PRXL2A: variants seen among roughly 807,000 people sequenced by gnomAD.
PRXL2A encodes the protein peroxiredoxin-like 2A.
A neutral mutation model predicts 25.6 loss-of-function variants in PRXL2A; 26 were observed. The observed-to-expected ratio is 1.02, with a 90% confidence interval of 0.74 to 1.41. The LOEUF (loss-of-function observed/expected upper bound fraction) is 1.41. PRXL2A is among the 40% of genes most tolerant of loss of function. The pLI is 0.00. For missense variants in PRXL2A, 246 were observed against 273.9 expected (o/e 0.90, Z 0.72); for synonymous variants, 98 against 102.9 (o/e 0.95, Z 0.29).
intron 1 of PRXL2A, among the ~76,000 whole-genome samples, chr10:80,412,744 G>C (rs148311204): frequency 8.5e-5 from 13 of 152,226 alleles, no homozygotes; most frequent in African/African-American, 3.1e-4. Flanking sequence ...GGTCAGAGGG[G>C]GGCATCCCGG....
intron 3 of PRXL2A, among the ~76,000 whole-genome samples, chr10:80,424,705 C>CA (rs1181379553): frequency 1.3e-5 from 2 of 151,956 alleles, no homozygotes; most frequent in African/African-American, 2.4e-5. Flanking sequence ...GCTAAAAATA[C>CA]AAAAAATTAG....
chr10:80,418,319 TC>T (rs1298462536), intron 1 of PRXL2A, among the ~76,000 whole-genome samples: 1 of 152,194 alleles, frequency 6.6e-6, no homozygotes, highest in African/African-American at 2.4e-5. Flanking sequence ...GGTCTCCAGC[TC>T]CATGTTGCTG....
At chr10:80,413,831 A>G in intron 1 of PRXL2A, 1 of 1,189,874 alleles carries the variant, frequency 8.4e-7, no homozygotes, top group Non-Finnish European at 1.1e-6. Context: ...TCACCCCTGG[A>G]TATACTTCTT....
intron 1 of PRXL2A, among the ~76,000 whole-genome samples, 153 bp downstream of exon 1, chr10:80,408,796 G>A (rs1331709485): frequency 1.3e-5 from 2 of 152,162 alleles, no homozygotes; most frequent in African/African-American, 4.8e-5. Context: ...AACTTTCTTA[G>A]GAGCCGCCGC....
rs147660368 is a variant in PRXL2A at position 80,433,400 on chromosome 10, A to C, written c.*1301A>C. ...CACAGGGAGTCTACTCAAGGCATCA[A>C]ACTGGCCCAGGAGTAGAAAGGTGGG... is the stretch of plus-strand genomic sequence containing the variant. On this transcript the variant is annotated 3_prime_UTR_variant, in exon 6 of 6. Coordinates refer to ENST00000606162, the MANE Select transcript of PRXL2A (RefSeq NM_032333.5). 2.6e-5 allele frequency: 4 copies of C among 152,298 alleles called. No individual in the cohort carries two copies. Among genetic ancestry groups the C allele is most frequent in the African/African-American group, 7.2e-5 (3 of 41,456 alleles). The allele number at this position is 152,298 out of a possible 1,614,324, so 9.4% of individuals were successfully genotyped here.
intron 1 of PRXL2A, among the ~76,000 whole-genome samples, chr10:80,415,312 T>G (rs1224766160): frequency 1.3e-5 from 2 of 152,242 alleles, no homozygotes; most frequent in East Asian, 3.8e-4. Context: ...ACAGCACTTA[T>G]GGGGGTTTTG....
Position 80,427,375 on chromosome 10 carries a change from G to C in PRXL2A, c.455G>C (p.Gly152Ala), listed in dbSNP as rs1468957450. 1 of 1,614,120 alleles carries C rather than the reference G, an allele frequency of 6.2e-7. No individual in the cohort carries two copies. The highest frequency in any genetic ancestry group is 1.1e-5 in the South Asian group (1 of 91,078). ...CAAAGGCGGAAGATGATGTTTATGG[G>C]ATTTATCCGTCTGGGAGTGTGGTAC... Reference protein sequence around the residue: ...GPQRRKMMFMGFIRLGVWYNF... With the variant: ...GPQRRKMMFMAFIRLGVWYNF... Residue 152 changes from glycine (G) to alanine (A), a missense_variant, in exon 5 of 6, where the codon GGA becomes GCA. By Grantham distance (60) the Gly-to-Ala change is moderately conservative. Coordinates refer to ENST00000606162, the MANE Select transcript of PRXL2A (RefSeq NM_032333.5).
At chr10:80,428,728 C>T (rs1018682170) in intron 5 of PRXL2A, among the ~76,000 whole-genome samples, 3 of 143,368 alleles carry the variant, frequency 2.1e-5, no homozygotes, top group Admixed American at 1.3e-4. Flanking sequence ...GGTGGCCTGA[C>T]TTCTAGGCCT....
chr10:80,414,510 T>C (rs1216160882), intron 1 of PRXL2A, among the ~76,000 whole-genome samples: 2 of 152,224 alleles, frequency 1.3e-5, no homozygotes, highest in East Asian at 3.8e-4. Flanking sequence ...AAACACATTC[T>C]CTTTAAGACA....
In PRXL2A at chr10:80,432,157, T is replaced by A. The variant is rs1374822775; in HGVS notation, c.*58T>A. The stretch of plus-strand genomic sequence containing the variant: ...GGGACATTCACCTGTGTTCATGGGA[T>A]GTATTGTTTCCACTCGTGTCCCTAA... On this transcript the variant is annotated 3_prime_UTR_variant, in exon 6 of 6. Coordinates refer to ENST00000606162, the MANE Select transcript of PRXL2A (RefSeq NM_032333.5). The A allele has an allele frequency of 1.9e-6, 2 of 1,043,002 alleles. No homozygotes were observed. The highest frequency in any genetic ancestry group is 2.9e-6 in the Non-Finnish European group (2 of 682,030). 64.6% of individuals were successfully genotyped at this position (1,043,002 alleles called of 1,614,324 possible).
In PRXL2A at chr10:80,435,449, G is replaced by C. The variant is rs1190202564; in HGVS notation, c.*3350G>C. ...ATGATTTGCAGCTCTCAAGATTCCA[G>C]TGGGCAGTCTGGGTGGGCCTGAGTT... On this transcript the variant is annotated 3_prime_UTR_variant, in exon 6 of 6. Coordinates refer to ENST00000606162, the MANE Select transcript of PRXL2A (RefSeq NM_032333.5). 6.6e-6 allele frequency: 1 copy of C among 151,976 alleles called. No homozygotes were observed. The highest frequency in any genetic ancestry group is 1.5e-5 in the Non-Finnish European group (1 of 68,002). The allele number at this position is 151,976 out of a possible 1,614,324, so 9.4% of individuals were successfully genotyped here. A position where few individuals can be genotyped will look rare whatever the true frequency, so the allele number is the denominator to read the frequency against.
At chr10:80,411,751 C>G (rs35246506) in intron 1 of PRXL2A, among the ~76,000 whole-genome samples, 1 of 152,168 alleles carries the variant, frequency 6.6e-6, no homozygotes, top group African/African-American at 2.4e-5. Context: ...CACTGAGGGC[C>G]TGAGGCAAGG....
intron 1 of PRXL2A, among the ~76,000 whole-genome samples, chr10:80,411,914 C>T (rs911045293): frequency 6.6e-5 from 10 of 152,156 alleles, no homozygotes; most frequent in Admixed American, 2.0e-4. Context: ...GAATATGATG[C>T]TGTCTCTACT....
chr10:80,414,942 G>C (rs758280777), intron 1 of PRXL2A, among the ~76,000 whole-genome samples: 1 of 152,142 alleles, frequency 6.6e-6, no homozygotes, highest in Non-Finnish European at 1.5e-5. Flanking sequence ...TTTTTTGTGT[G>C]TAGGAAAAAT....
chr10:80,412,573 T>C (rs1425172766), intron 1 of PRXL2A, among the ~76,000 whole-genome samples: 1 of 152,170 alleles, frequency 6.6e-6, no homozygotes, highest in Non-Finnish European at 1.5e-5. Flanking sequence ...CACAATTCAT[T>C]TGTGCATTGT....
At chr10:80,425,805 C>A in intron 3 of PRXL2A, 61 bp from the exon 4 acceptor site, 14 of 1,605,210 alleles carry the variant, frequency 8.7e-6, no homozygotes, top group Non-Finnish European at 1.1e-5. Context: ...AACCTGACAC[C>A]CTATGTGGAG....
Position 80,427,245 on chromosome 10 carries a change from A to C in PRXL2A, c.412-87A>C, listed in dbSNP as rs1436806803. On this transcript the variant is annotated intron_variant, in intron 4 of 5. Coordinates refer to ENST00000606162, the MANE Select transcript of PRXL2A (RefSeq NM_032333.5). ...GCAGCCTTTTGAGTCTTTGCCTGAG[A>C]ACCAATGCCCCGTCAGGAGCGTTTC... 8 of 1,198,568 alleles carry C rather than the reference A, an allele frequency of 6.7e-6. No homozygotes were observed. In the African/African-American group the frequency reaches 9.1e-5, roughly 14 times the overall value. 74.2% of individuals were successfully genotyped at this position (1,198,568 alleles called of 1,614,324 possible).
chr10:80,432,269 G>C lies in PRXL2A; in HGVS notation c.*170G>C. The C allele has an allele frequency of 1.9e-6, 1 of 516,416 alleles. No homozygotes were observed. Among genetic ancestry groups the C allele is most frequent in the Non-Finnish European group, 3.3e-6 (1 of 298,530 alleles). 32.0% of individuals were successfully genotyped at this position (516,416 alleles called of 1,614,324 possible). ...TGTTTAGGCCCACTAAGGCAAAATA[G>C]CCCCAAAACAAGACTGACAAAAATC... On this transcript the variant is annotated 3_prime_UTR_variant, in exon 6 of 6. Transcript: ENST00000606162.
intron 1 of PRXL2A, among the ~76,000 whole-genome samples, chr10:80,415,394 A>T (rs1844625678): frequency 6.6e-6 from 1 of 152,162 alleles, no homozygotes; most frequent in Non-Finnish European, 1.5e-5. Flanking sequence ...TAGAGGTTTG[A>T]GTTCTCAGGG....
Sources: gnomAD v4.1 joint callset for allele counts (sites outside exome capture counted in the v4.1 genomes callset) on GRCh38, gnomAD v4.1.1 for gene constraint, MANE v1.5 for transcripts, NCBI Gene and HGNC (gene_info 2026-07-23, HGNC 2026-07-21) for gene names.